OR51B5: variants seen among roughly 807,000 people sequenced by gnomAD.
OR51B5 encodes olfactory receptor 51B5.
For missense variants in OR51B5, 456 were observed against 374.6 expected (o/e 1.22, Z -1.79); for synonymous variants, 186 against 144.8 (o/e 1.28, Z -2.04).
intron 1 of OR51B5, chr11:5,403,609 G>A: frequency 2.4e-6 from 1 of 418,668 alleles, no homozygotes. Context: ...AATAACAGGT[G>A]GCCCTAGATT....
At position 5,489,025 on chromosome 11, in the gene OR51B5, G is replaced by C. The variant is rs762921810; in HGVS notation, n.84+16544C>G. 5 of 1,614,038 alleles carry C rather than the reference G, an allele frequency of 3.1e-6. No homozygotes were observed. In the South Asian group the frequency reaches 4.4e-5, roughly 14 times the overall value. On this transcript the variant is annotated intron_variant and non_coding_transcript_variant, in intron 1 of 4. Transcript: ENST00000415970. Reference sequence around the variant, plus strand: ...TGGATGCCTGGCCCAGATGTTTTGTGTCCATTCTATCTATGCTCTGGAGTC... The same window carrying C: ...TGGATGCCTGGCCCAGATGTTTTGTCTCCATTCTATCTATGCTCTGGAGTC...
chr11:5,353,290 A>G (rs1345391977), intron 1 of OR51B5, among the ~76,000 whole-genome samples: 1 of 152,220 alleles, frequency 6.6e-6, no homozygotes, highest in East Asian at 1.9e-4. Flanking sequence ...AAACAGAGAT[A>G]TAATTTCTAA....
At chr11:5,406,172 C>A (rs1464721798) in intron 1 of OR51B5, among the ~76,000 whole-genome samples, 1 of 152,138 alleles carries the variant, frequency 6.6e-6, no homozygotes, top group Non-Finnish European at 1.5e-5. Context: ...TCTCAGCCTT[C>A]TTAAATATTA....
chr11:5,354,006 G>A (rs1849145514), intron 1 of OR51B5, among the ~76,000 whole-genome samples: 1 of 150,854 alleles, frequency 6.6e-6, no homozygotes. Context: ...CTTCTTGACT[G>A]TGTGCTCGAG....
At chr11:5,452,960 C>G (rs533713962) in intron 1 of OR51B5, among the ~76,000 whole-genome samples, 1 of 152,184 alleles carries the variant, frequency 6.6e-6, no homozygotes. Flanking sequence ...TGTCCTTTTC[C>G]CTCTCCATCC....
intron 1 of OR51B5, among the ~76,000 whole-genome samples, chr11:5,443,926 T>G (rs1850728524): frequency 6.6e-6 from 1 of 151,966 alleles, no homozygotes; most frequent in South Asian, 2.1e-4. Flanking sequence ...ACTCTTATAC[T>G]TACACACCCG....
intron 1 of OR51B5, among the ~76,000 whole-genome samples, chr11:5,370,145 G>C (rs1029228108): frequency 2.0e-5 from 3 of 152,062 alleles, no homozygotes; most frequent in Non-Finnish European, 4.4e-5. Context: ...AAATGCTAGA[G>C]GCTACCAAGT....
chr11:5,447,264 G>A (rs1397566796), intron 1 of OR51B5, among the ~76,000 whole-genome samples: 2 of 152,124 alleles, frequency 1.3e-5, no homozygotes, highest in Non-Finnish European at 2.9e-5. Context: ...GAATATGATG[G>A]ATACAGCTGG....
intron 1 of OR51B5, among the ~76,000 whole-genome samples, chr11:5,389,223 G>A (rs147808057): frequency 9.2e-5 from 14 of 152,250 alleles, no homozygotes; most frequent in African/African-American, 2.9e-4. Context: ...TGGTGAGGGC[G>A]AGGTTATCAA....
rs1188991321 is a variant in OR51B5, at chr11:5,448,301, A to G, written n.84+57268T>C. 2.6e-5 allele frequency among the ~76,000 whole-genome samples: 4 copies of G among 152,340 alleles called. No individual in the cohort carries two copies. In the East Asian group the frequency reaches 5.8e-4, roughly 22 times the overall value. On this transcript the variant is annotated intron_variant and non_coding_transcript_variant, in intron 1 of 4. Transcript: ENST00000415970. ...TGTGAAGCCAACAGAGTCACTTAAT[A>G]TGATCCACACCCAGTAGATGTTAAT...
chr11:5,475,371 A>C (rs1275769504), intron 1 of OR51B5, among the ~76,000 whole-genome samples: 5 of 152,160 alleles, frequency 3.3e-5, no homozygotes, highest in African/African-American at 4.8e-5. Context: ...ACCTCCTTTC[A>C]GTTCCTCGAA....
rs138981931 is a variant in OR51B5 at position 5,352,315 on chromosome 11, G to A, written n.85-5405C>T. On this transcript the variant is annotated intron_variant and non_coding_transcript_variant, in intron 1 of 4. Transcript: ENST00000415970. ...GTTTGGAAAGCATGTTCCTCATGTC[G>A]TTCACATCACAATGAGCTACATCCA... 6.1e-5 allele frequency: 99 copies of A among 1,613,848 alleles called. No homozygotes were observed. The African/African-American group carries it at 6.4e-4, about 10-fold the overall frequency.
intron 1 of OR51B5, chr11:5,489,574 G>A: frequency 6.2e-7 from 1 of 1,614,018 alleles, no homozygotes; most frequent in Non-Finnish European, 8.5e-7. Context: ...GGTGCCTCCT[G>A]TACTCAATCC....
At chr11:5,404,171 G>A (rs1308414175) in intron 1 of OR51B5, among the ~76,000 whole-genome samples, 1 of 142,760 alleles carries the variant, frequency 7.0e-6, no homozygotes, top group Non-Finnish European at 1.5e-5. Context: ...GGATGGGGCG[G>A]GGAGGGCGGG....
intron 1 of OR51B5, among the ~76,000 whole-genome samples, chr11:5,399,051 T>C (rs767047466): frequency 3.9e-5 from 6 of 152,180 alleles, no homozygotes; most frequent in Non-Finnish European, 7.4e-5. Context: ...CCTAGCTTCT[T>C]GAACCTGTCT....
intron 1 of OR51B5, among the ~76,000 whole-genome samples, chr11:5,486,243 TTCTG>T (rs1455061277): frequency 6.8e-6 from 1 of 146,038 alleles, no homozygotes; most frequent in Non-Finnish European, 1.5e-5. Flanking sequence ...CTCTTTTTCT[TTCTG>T]TTTTATTTTT....
At chr11:5,408,038 T>G (rs557298534) in intron 1 of OR51B5, among the ~76,000 whole-genome samples, 1 of 152,300 alleles carries the variant, frequency 6.6e-6, no homozygotes, top group African/African-American at 2.4e-5. Context: ...TTCACAGGGC[T>G]TATGATACCT....
At chr11:5,486,199 A>T (rs932753141) in intron 1 of OR51B5, among the ~76,000 whole-genome samples, 16 of 152,084 alleles carry the variant, frequency 1.1e-4, no homozygotes, top group African/African-American at 3.6e-4. Context: ...AACTAATACA[A>T]TGCCCTAATT....
chr11:5,415,432 G>A (rs1369708187), intron 1 of OR51B5, among the ~76,000 whole-genome samples: 2 of 150,628 alleles, frequency 1.3e-5, no homozygotes, highest in Non-Finnish European at 3.0e-5. Context: ...AATCAGAGCA[G>A]AACTAAAGGA....
Sources: allele counts gnomAD v4.1 joint callset (sites outside exome capture counted in the v4.1 genomes callset), GRCh38; gene constraint gnomAD v4.1.1; transcripts MANE v1.5; gene names NCBI Gene and HGNC (gene_info 2026-07-23, HGNC 2026-07-21).